Variants in B3GALT1 observed in about 807,000 individuals in gnomAD.
The protein encoded by B3GALT1 is UDP-Gal:betaGlcNAc beta 1,3-galactosyltransferase, polypeptide 1.
A neutral mutation model predicts 23.2 loss-of-function variants in B3GALT1; 10 were observed. The observed-to-expected ratio is 0.43, with a 90% CI of 0.27 to 0.73. B3GALT1 has a LOEUF of 0.73. Among genes scored for constraint, B3GALT1 ranks in the 30% least tolerant of loss-of-function variants. The pLI is 0.21. For synonymous variants in B3GALT1, 156 were observed against 141.5 expected, an observed-to-expected ratio of 1.10 and a Z score of -0.73; for missense variants, 299 against 405.4, an observed-to-expected ratio of 0.74 and a Z score of 2.25.
At position 167,824,770 on chromosome 2, in the gene B3GALT1, C is replaced by T. The variant is rs533550571; in HGVS notation, c.-230+5977C>T. Among the ~76,000 whole-genome samples, 5 of 152,162 alleles carry T rather than the reference C, an allele frequency of 3.3e-5. No homozygotes were observed. The South Asian group carries it at 6.2e-4, about 19-fold the overall frequency. ...TGTTAGGAATGGCTCCAGGTCTTTC[C>T]GATACAGAGAGGTACATTTCACAGA... On this transcript the variant is annotated intron_variant, in intron 4 of 4. Coordinates refer to ENST00000392690, the MANE Select transcript of B3GALT1 (RefSeq NM_020981.4).
chr2:167,354,043 C>G (rs1317735533), intron 1 of B3GALT1, among the ~76,000 whole-genome samples: 2 of 152,110 alleles, frequency 1.3e-5, no homozygotes, highest in Non-Finnish European at 2.9e-5. Context: ...TACCATTTTG[C>G]CACACTGACT....
chr2:167,526,979 C>T (rs777350133), intron 2 of B3GALT1, among the ~76,000 whole-genome samples: 1 of 151,746 alleles, frequency 6.6e-6, no homozygotes, highest in African/African-American at 2.4e-5. Context: ...TAATATATAC[C>T]GTATATACTG....
intron 2 of B3GALT1, among the ~76,000 whole-genome samples, chr2:167,528,566 A>G (rs758366372): frequency 4.6e-5 from 7 of 152,092 alleles, no homozygotes; most frequent in African/African-American, 9.7e-5. Flanking sequence ...CTTCGCTACT[A>G]TGGTTGCATG....
chr2:167,586,208 C>T (rs1055210042), intron 2 of B3GALT1, among the ~76,000 whole-genome samples: 1 of 152,200 alleles, frequency 6.6e-6, no homozygotes, highest in Non-Finnish European at 1.5e-5. Context: ...GAAAAAAATT[C>T]TTCAATCCTT....
At chr2:167,366,925 G>A (rs1170945101) in intron 1 of B3GALT1, among the ~76,000 whole-genome samples, 1 of 152,196 alleles carries the variant, frequency 6.6e-6, no homozygotes, top group East Asian at 1.9e-4. Context: ...AAGGCAGAAG[G>A]TGCCAGGCCT....
intron 1 of B3GALT1, among the ~76,000 whole-genome samples, chr2:167,304,093 T>C (rs1696506094): frequency 6.6e-6 from 1 of 152,194 alleles, no homozygotes; most frequent in Non-Finnish European, 1.5e-5. Flanking sequence ...TACTAGTAGA[T>C]ACTCTGAAAG....
intron 3 of B3GALT1, among the ~76,000 whole-genome samples, chr2:167,807,276 C>A (rs534765255): frequency 3.3e-4 from 50 of 152,264 alleles, no homozygotes; most frequent in Admixed American, 5.2e-4. Context: ...CTCCTGGATT[C>A]ATCGAATTTT....
chr2:167,469,276 G>C (rs544387562), intron 1 of B3GALT1, among the ~76,000 whole-genome samples: 163 of 152,230 alleles, frequency 1.1e-3, no homozygotes, highest in Non-Finnish European at 2.0e-3. Context: ...TTATTAATCT[G>C]TGCCTCAGTT....
intron 2 of B3GALT1, among the ~76,000 whole-genome samples, chr2:167,504,206 A>G (rs953290410): frequency 6.6e-6 from 1 of 152,228 alleles, no homozygotes; most frequent in African/African-American, 2.4e-5. Context: ...TGCCAAGCCC[A>G]TAGATTGAAT....
intron 1 of B3GALT1, among the ~76,000 whole-genome samples, chr2:167,327,955 T>A (rs1286958933): frequency 6.6e-6 from 1 of 152,194 alleles, no homozygotes; most frequent in Admixed American, 6.5e-5. Flanking sequence ...CATCAAATAC[T>A]TTTTCTGCAT....
At chr2:167,293,561 T>G (rs1433917245) in intron 1 of B3GALT1, among the ~76,000 whole-genome samples, 3 of 151,734 alleles carry the variant, frequency 2.0e-5, no homozygotes, top group Non-Finnish European at 4.4e-5. Context: ...ATTGTGTGAG[T>G]GTGGATGTGG....
intron 3 of B3GALT1, among the ~76,000 whole-genome samples, chr2:167,727,804 G>T (rs1458129233): frequency 6.6e-6 from 1 of 152,096 alleles, no homozygotes. Context: ...GAACTTCCAA[G>T]GCCTCACAGG....
intron 2 of B3GALT1, among the ~76,000 whole-genome samples, chr2:167,500,195 A>G (rs1699832458): frequency 6.6e-6 from 1 of 152,180 alleles, no homozygotes; most frequent in Non-Finnish European, 1.5e-5. Context: ...CAGTTTTGCA[A>G]AGGAGTTCTC....
intron 1 of B3GALT1, among the ~76,000 whole-genome samples, chr2:167,351,955 A>ATTTTTTTT (rs71031283): frequency 2.2e-5 from 3 of 134,306 alleles, no homozygotes; most frequent in Admixed American, 7.1e-5. Context: ...GCTGTTTTTG[A>ATTTTTTTT]TTTTTTTTTT....
chr2:167,802,883 A>G (rs1688663997), intron 3 of B3GALT1, among the ~76,000 whole-genome samples: 1 of 151,902 alleles, frequency 6.6e-6, no homozygotes, highest in African/African-American at 2.4e-5. Flanking sequence ...ACAAAAATGT[A>G]CAATGAAGTT....
intron 1 of B3GALT1, among the ~76,000 whole-genome samples, chr2:167,304,728 A>G (rs1696523520): frequency 6.6e-6 from 1 of 150,554 alleles, no homozygotes; most frequent in Admixed American, 7.0e-5. Flanking sequence ...AGAGAAAGAG[A>G]GAGAGATTCT....
intron 1 of B3GALT1, among the ~76,000 whole-genome samples, chr2:167,362,431 C>G (rs1365628196): frequency 6.6e-6 from 1 of 152,132 alleles, no homozygotes; most frequent in Non-Finnish European, 1.5e-5. Context: ...ATTTCATTAT[C>G]TTATCCTTTA....
At chr2:167,649,804 GT>G (rs1222861736) in intron 3 of B3GALT1, among the ~76,000 whole-genome samples, 1 of 151,804 alleles carries the variant, frequency 6.6e-6, no homozygotes. Flanking sequence ...AGCTCCAATC[GT>G]TTTTTGTTTG....
At chr2:167,585,100 A>G (rs1684565091) in intron 2 of B3GALT1, among the ~76,000 whole-genome samples, 1 of 152,146 alleles carries the variant, frequency 6.6e-6, no homozygotes, top group South Asian at 2.1e-4. Context: ...GCCACCAGTC[A>G]TCTTATTAAC....
Sources: allele counts gnomAD v4.1 joint callset (sites outside exome capture counted in the v4.1 genomes callset), GRCh38; gene constraint gnomAD v4.1.1; transcripts MANE v1.5; gene names NCBI Gene and HGNC (gene_info 2026-07-23, HGNC 2026-07-21).